The following UQCC4 variants were observed in gnomAD, a reference collection of about 807,000 sequenced individuals.
UQCC4 encodes ubiquinol-cytochrome c reductase complex assembly factor 4.
the UQCC4 span, chr16:1,420,640 C>T: frequency 6.5e-7 from 1 of 1,548,382 alleles, no homozygotes; most frequent in Non-Finnish European, 8.7e-7. Flanking sequence ...GTAAGCGCTC[C>T]GCCCGCCCGC....
chr16:1,420,473 T>A, the UQCC4 span: 37 of 1,614,250 alleles, frequency 2.3e-5, no homozygotes, highest in Non-Finnish European at 1.7e-5. Flanking sequence ...CGGTGAGGGT[T>A]GGCTTTGCTG....
the UQCC4 span, chr16:1,420,555 G>A: frequency 6.8e-6 from 11 of 1,612,656 alleles, no homozygotes; most frequent in Non-Finnish European, 9.3e-6. Context: ...CCCGGGAACC[G>A]GGCAACGGAT....
At chr16:1,420,434 C>A in the UQCC4 span, 2 of 1,614,144 alleles carry the variant, frequency 1.2e-6, no homozygotes, top group Admixed American at 3.3e-5. Flanking sequence ...CGCTGATGTC[C>A]CTTTCCCATG....
chr16:1,420,266 C>G, the UQCC4 span: 521 of 1,613,696 alleles, frequency 3.2e-4, no homozygotes, highest in Non-Finnish European at 4.0e-4. Context: ...GCTCTGTAGG[C>G]AGCTGGAGTC....
chr16:1,420,001 C>T, the UQCC4 span: 1 of 1,601,466 alleles, frequency 6.2e-7, no homozygotes, highest in Non-Finnish European at 8.5e-7. Context: ...AAACCTTCCC[C>T]AAGGATCTGA....
At chr16:1,419,849 T>G in the UQCC4 span, 1 of 1,304,584 alleles carries the variant, frequency 7.7e-7, no homozygotes, top group African/African-American at 1.5e-5. Flanking sequence ...CAATACAGTT[T>G]CACACTTCTG....
At chr16:1,420,414 C>T in the UQCC4 span, 3 of 1,614,166 alleles carry the variant, frequency 1.9e-6, no homozygotes, top group South Asian at 1.1e-5. Flanking sequence ...GCAGCACCTT[C>T]CACCAGGGCC....
At chr16:1,420,241 C>G in the UQCC4 span, 2 of 1,613,400 alleles carry the variant, frequency 1.2e-6, no homozygotes, top group South Asian at 2.2e-5. Context: ...CCAGCGGGCA[C>G]CCCGTCAAGT....
At chr16:1,420,273 A>G in the UQCC4 span, 31 of 1,613,728 alleles carry the variant, frequency 1.9e-5, no homozygotes, top group Non-Finnish European at 2.6e-5. Context: ...AGGCAGCTGG[A>G]GTCTCAGGCT....
chr16:1,419,959 C>G, the UQCC4 span: 3 of 1,552,074 alleles, frequency 1.9e-6, no homozygotes, highest in African/African-American at 4.1e-5. Context: ...TATACAAAGA[C>G]TTGGCAAATC....
At chr16:1,420,221 C>T in the UQCC4 span, 4 of 1,613,562 alleles carry the variant, frequency 2.5e-6, no homozygotes, top group African/African-American at 2.7e-5. Flanking sequence ...CGGCTCCCTT[C>T]CTGCCAGCCC....
chr16:1,420,284 C>T, the UQCC4 span: 1 of 1,614,158 alleles, frequency 6.2e-7, no homozygotes, highest in Non-Finnish European at 8.5e-7. Flanking sequence ...GTCTCAGGCT[C>T]CTCAGAACGA....
chr16:1,420,136 C>T, the UQCC4 span: 3 of 1,613,600 alleles, frequency 1.9e-6, no homozygotes, highest in Non-Finnish European at 2.5e-6. Context: ...CCAGCCAAGT[C>T]CTTCAGTGCT....
At chr16:1,420,317 C>T in the UQCC4 span, 36 of 1,614,182 alleles carry the variant, frequency 2.2e-5, 1 homozygote, top group South Asian at 3.3e-4. Context: ...GGCACCTCTC[C>T]CCACACCTGT....
At chr16:1,419,887 T>C in the UQCC4 span, 62 of 1,386,968 alleles carry the variant, frequency 4.5e-5, no homozygotes, top group Middle Eastern at 8.1e-4. Flanking sequence ...GAAAGCAAAT[T>C]ACCTGCAAAC....
At chr16:1,420,475 G>A in the UQCC4 span, 4 of 1,614,266 alleles carry the variant, frequency 2.5e-6, no homozygotes, top group Non-Finnish European at 8.5e-7. Context: ...GTGAGGGTTG[G>A]CTTTGCTGGA....
At chr16:1,420,534 G>C in the UQCC4 span, 7 of 1,614,024 alleles carry the variant, frequency 4.3e-6, no homozygotes, top group Admixed American at 3.3e-5. Flanking sequence ...CGGCGGCAGG[G>C]TGGGCCCGAT....
At chr16:1,420,666 G>GC in the UQCC4 span, 1 of 1,549,704 alleles carries the variant, frequency 6.5e-7, no homozygotes, top group Admixed American at 2.0e-5. Flanking sequence ...TCTGCCCTCG[G>GC]CCCTCCGAGA....
At chr16:1,420,554 C>T in the UQCC4 span, 4 of 1,612,638 alleles carry the variant, frequency 2.5e-6, no homozygotes, top group Non-Finnish European at 3.4e-6. Context: ...TCCCGGGAAC[C>T]GGGCAACGGA....
Sources: gnomAD v4.1 joint callset for allele counts on GRCh38, gnomAD v4.1.1 for gene constraint, MANE v1.5 for transcripts, NCBI Gene and HGNC (gene_info 2026-07-23, HGNC 2026-07-21) for gene names.